Variants in FABP7 observed in about 807,000 individuals in gnomAD.
FABP7 encodes the protein fatty acid binding protein 7.
In FABP7, 13 loss-of-function variants were observed where a neutral mutation model predicts 14.2. The ratio of observed to expected loss-of-function variants is 0.91; its 90% confidence interval spans 0.59 to 1.45. FABP7 has a LOEUF of 1.45. Ranked by LOEUF, FABP7 falls within the 40% of genes most tolerant of loss-of-function variation. The probability of loss-of-function intolerance (pLI) is 0.00; values close to 1 mark genes in which losing one functional copy is unlikely to be tolerated. For missense variants in FABP7, 149 were observed against 157.6 expected, an observed-to-expected ratio of 0.95 and a Z score of 0.29; for synonymous variants, 49 against 51.4, an observed-to-expected ratio of 0.95 and a Z score of 0.20.
Position 122,783,760 on chromosome 6 carries a change from A to G in FABP7, c.392A>G (p.Lys131Arg). The G allele has an allele frequency of 6.2e-7, 1 of 1,609,518 alleles. No individual in the cohort carries two copies. Among genetic ancestry groups the G allele is most frequent in the Non-Finnish European group, 8.5e-7 (1 of 1,178,512 alleles). The change falls in exon 4 of 4, where the codon AAG becomes AGG. Residue 131 changes from lysine to arginine, a missense_variant. By Grantham distance (26) the Lys-to-Arg change is conservative (BLOSUM62 2). Coordinates refer to ENST00000368444, the MANE Select transcript of FABP7 (RefSeq NM_001446.5). ...GDVVAVRHYE[K>R]A ...GTGGTTGCTGTTCGCCACTATGAGA[A>G]GGCATAAAAATGTTCCTGGTCGGGG...
chr6:122,749,999 T>G, the FABP7 span, among the ~76,000 whole-genome samples: 6 of 152,204 alleles, frequency 3.9e-5, no homozygotes, highest in African/African-American at 1.4e-4. Flanking sequence ...TAACATGAAT[T>G]GTGATACCAG....
At chr6:122,759,263 C>CCA in the FABP7 span, among the ~76,000 whole-genome samples, 16 of 152,094 alleles carry the variant, frequency 1.1e-4, no homozygotes, top group Non-Finnish European at 1.6e-4. Flanking sequence ...CGGTATTTGG[C>CCA]CACAAACTTC....
At chr6:122,781,424 T>C in intron 3 of FABP7, 1 of 1,409,724 alleles carries the variant, frequency 7.1e-7, no homozygotes. Flanking sequence ...AGAGAAAAAT[T>C]CATGTGTAGT....
chr6:122,778,304 G>C (rs1044906252), upstream of FABP7, among the ~76,000 whole-genome samples: 4 of 152,182 alleles, frequency 2.6e-5, no homozygotes, highest in Non-Finnish European at 5.9e-5. Context: ...TGTACAGTTG[G>C]GTGCATGGTG....
chr6:122,753,784 G>GCCC, the FABP7 span, among the ~76,000 whole-genome samples: 15 of 35,552 alleles, frequency 4.2e-4, no homozygotes, highest in East Asian at 2.4e-3. Flanking sequence ...TCCAAATCCC[G>GCCC]CCCCCCCCCC....
chr6:122,754,969 T>C, the FABP7 span, among the ~76,000 whole-genome samples: 3 of 151,958 alleles, frequency 2.0e-5, no homozygotes, highest in South Asian at 6.2e-4. Flanking sequence ...ACATCACCAC[T>C]AACTGTACCA....
At chr6:122,782,699 G>A (rs1780822999) in intron 3 of FABP7, 1 of 985,300 alleles carries the variant, frequency 1.0e-6, no homozygotes. Flanking sequence ...AGCAGAGAAA[G>A]TTTTGTTGTT....
At chr6:122,775,966 G>A (rs1208073189), upstream of FABP7, among the ~76,000 whole-genome samples, 2 of 152,058 alleles carry the variant, frequency 1.3e-5, no homozygotes, top group African/African-American at 4.8e-5. Flanking sequence ...CTAATTATTA[G>A]GGAAATACAA....
chr6:122,768,793 A>T, the FABP7 span, among the ~76,000 whole-genome samples: 8 of 152,158 alleles, frequency 5.3e-5, no homozygotes, highest in South Asian at 4.1e-4. Context: ...ATTAGAAAAT[A>T]CTTTAATAAG....
At chr6:122,773,119 G>A in the FABP7 span, among the ~76,000 whole-genome samples, 8 of 152,122 alleles carry the variant, frequency 5.3e-5, no homozygotes, top group East Asian at 1.4e-3. Context: ...TCTAAGGCAG[G>A]CATCTGGTTG....
the FABP7 span, among the ~76,000 whole-genome samples, chr6:122,752,006 G>A: frequency 1.3e-5 from 2 of 151,860 alleles, no homozygotes; most frequent in Non-Finnish European, 2.9e-5. Context: ...ATATCCCTGG[G>A]TCCCCAAACC....
chr6:122,770,895 TAAAA>T, the FABP7 span, among the ~76,000 whole-genome samples: 1 of 152,146 alleles, frequency 6.6e-6, no homozygotes, highest in African/African-American at 2.4e-5. Context: ...CAGCAGAGGG[TAAAA>T]CAGTATTTCC....
chr6:122,777,112 T>C (rs1780688763), upstream of FABP7, among the ~76,000 whole-genome samples: 1 of 152,258 alleles, frequency 6.6e-6, no homozygotes, highest in African/African-American at 2.4e-5. Flanking sequence ...GATGAAGATA[T>C]CTAATACATG....
chr6:122,761,209 T>C, the FABP7 span, among the ~76,000 whole-genome samples: 1 of 152,180 alleles, frequency 6.6e-6, no homozygotes. Context: ...ACTGTTAACA[T>C]ACACAGTGGA....
the FABP7 span, among the ~76,000 whole-genome samples, chr6:122,751,626 G>T: frequency 6.6e-6 from 1 of 152,180 alleles, no homozygotes; most frequent in African/African-American, 2.4e-5. Flanking sequence ...TTTAAATAAT[G>T]CAAATGGCAC....
upstream of FABP7, among the ~76,000 whole-genome samples, chr6:122,779,125 C>CA (rs1780720767): frequency 1.3e-5 from 2 of 152,122 alleles, no homozygotes; most frequent in Non-Finnish European, 2.9e-5. Context: ...GAGTAGCCTT[C>CA]AAGCAGTATA....
chr6:122,773,816 G>T, the FABP7 span, among the ~76,000 whole-genome samples: 1 of 152,104 alleles, frequency 6.6e-6, no homozygotes, highest in East Asian at 1.9e-4. Context: ...AGGAGATTCA[G>T]CGTCATGTGA....
At chr6:122,764,593 A>G in the FABP7 span, among the ~76,000 whole-genome samples, 2 of 152,148 alleles carry the variant, frequency 1.3e-5, no homozygotes, top group East Asian at 3.9e-4. Context: ...GAACTCATGA[A>G]CTGTTTCATT....
chr6:122,754,382 C>A, the FABP7 span, among the ~76,000 whole-genome samples: 3 of 152,144 alleles, frequency 2.0e-5, no homozygotes, highest in African/African-American at 7.2e-5. Flanking sequence ...CTGCCTTCCT[C>A]CTCCCTATTT....
Sources: gnomAD v4.1 joint callset for allele counts (sites outside exome capture counted in the v4.1 genomes callset) on GRCh38, gnomAD v4.1.1 for gene constraint, MANE v1.5 for transcripts, NCBI Gene and HGNC (gene_info 2026-07-23, HGNC 2026-07-21) for gene names.